The following PABPC4L variants were observed in gnomAD, a reference collection of about 807,000 sequenced individuals.
The protein encoded by PABPC4L is poly(A) binding protein cytoplasmic 4 like.
For missense variants in PABPC4L, 452 were observed against 451.4 expected (o/e 1.00, Z -0.01); for synonymous variants, 169 against 164.1 (o/e 1.03, Z -0.23).
At chr4:133,957,978 G>A in the PABPC4L span, among the ~76,000 whole-genome samples, 1 of 152,184 alleles carries the variant, frequency 6.6e-6, no homozygotes, top group Admixed American at 6.5e-5. Flanking sequence ...AGTGATGAGA[G>A]GGGTTGCCAT....
the PABPC4L span, among the ~76,000 whole-genome samples, chr4:133,982,905 A>T: frequency 6.6e-6 from 1 of 152,048 alleles, no homozygotes; most frequent in Non-Finnish European, 1.5e-5. Context: ...TAAAATATGT[A>T]TATACATTTA....
At chr4:134,051,165 A>T in the PABPC4L span, among the ~76,000 whole-genome samples, 1 of 152,168 alleles carries the variant, frequency 6.6e-6, no homozygotes, top group Non-Finnish European at 1.5e-5. Context: ...ATAACAGAGT[A>T]TCTTTCATGT....
the PABPC4L span, among the ~76,000 whole-genome samples, chr4:134,016,781 CT>C: frequency 5.9e-5 from 9 of 152,104 alleles, no homozygotes; most frequent in Non-Finnish European, 1.2e-4. Flanking sequence ...GAAAACTATC[CT>C]CATGGAGATC....
chr4:134,035,337 T>C, the PABPC4L span, among the ~76,000 whole-genome samples: 2 of 152,016 alleles, frequency 1.3e-5, no homozygotes, highest in African/African-American at 4.8e-5. Context: ...AAACCTGTAA[T>C]GTCTCTGAGA....
chr4:134,075,751 A>T, the PABPC4L span, among the ~76,000 whole-genome samples: 1 of 152,040 alleles, frequency 6.6e-6, no homozygotes. Flanking sequence ...ATTAAACATC[A>T]ATTACTTGCT....
chr4:134,035,559 A>G, the PABPC4L span, among the ~76,000 whole-genome samples: 6 of 152,064 alleles, frequency 3.9e-5, no homozygotes, highest in Non-Finnish European at 8.8e-5. Context: ...TTTATATGAT[A>G]TAGCAGAGAG....
At chr4:134,190,134 C>A in the PABPC4L span, among the ~76,000 whole-genome samples, 2 of 152,126 alleles carry the variant, frequency 1.3e-5, no homozygotes, top group Non-Finnish European at 2.9e-5. Context: ...TTTATATTTT[C>A]CTACTTGAGT....
the PABPC4L span, among the ~76,000 whole-genome samples, chr4:134,079,284 T>TA: frequency 5.3e-5 from 8 of 150,352 alleles, no homozygotes; most frequent in South Asian, 2.1e-4. Context: ...TTGTAACATT[T>TA]TAAAAAAAAT....
the PABPC4L span, among the ~76,000 whole-genome samples, chr4:134,175,181 G>A: frequency 3.4e-4 from 51 of 152,172 alleles, no homozygotes; most frequent in African/African-American, 1.1e-3. Context: ...ATAAGTACCC[G>A]CGAAAAGTAG....
chr4:134,096,218 G>A, the PABPC4L span, among the ~76,000 whole-genome samples: 942 of 151,904 alleles, frequency 6.2e-3, 6 homozygotes, highest in African/African-American at 0.021. Flanking sequence ...AAGAAATGTC[G>A]GTTTTTTTCA....
At chr4:134,030,465 A>T in the PABPC4L span, among the ~76,000 whole-genome samples, 1 of 152,020 alleles carries the variant, frequency 6.6e-6, no homozygotes, top group Non-Finnish European at 1.5e-5. Context: ...ACATAGATAC[A>T]CTGTCTTACA....
chr4:134,085,259 T>G, the PABPC4L span, among the ~76,000 whole-genome samples: 1 of 152,100 alleles, frequency 6.6e-6, no homozygotes, highest in Non-Finnish European at 1.5e-5. Context: ...TTTATAAATT[T>G]TATAAACTTT....
the PABPC4L span, among the ~76,000 whole-genome samples, chr4:134,020,159 T>C: frequency 6.6e-6 from 1 of 151,924 alleles, no homozygotes; most frequent in African/African-American, 2.4e-5. Flanking sequence ...GAATTCAGGG[T>C]GAGTCCGCAG....
At chr4:134,006,812 C>T in the PABPC4L span, among the ~76,000 whole-genome samples, 2 of 151,610 alleles carry the variant, frequency 1.3e-5, no homozygotes, top group East Asian at 1.9e-4. Flanking sequence ...GTTCAAAACT[C>T]GTATGGAGAA....
chr4:134,011,520 T>C, the PABPC4L span, among the ~76,000 whole-genome samples: 1 of 152,266 alleles, frequency 6.6e-6, no homozygotes, highest in East Asian at 1.9e-4. Context: ...AAGCTCCATA[T>C]TTATTTACTA....
the PABPC4L span, among the ~76,000 whole-genome samples, chr4:133,982,667 C>T: frequency 6.6e-6 from 1 of 151,932 alleles, no homozygotes. Context: ...ATCTCCCATC[C>T]TCTCTTCTTT....
At chr4:133,977,218 C>T in the PABPC4L span, among the ~76,000 whole-genome samples, 12 of 151,822 alleles carry the variant, frequency 7.9e-5, no homozygotes, top group South Asian at 2.1e-4. Context: ...AAGATCAGAT[C>T]GTTGGAGATG....
chr4:134,172,621 A>G, the PABPC4L span, among the ~76,000 whole-genome samples: 1 of 152,128 alleles, frequency 6.6e-6, no homozygotes, highest in Non-Finnish European at 1.5e-5. Flanking sequence ...CATGATGAAG[A>G]TGCCAAAAAC....
At chr4:134,131,321 G>C in the PABPC4L span, among the ~76,000 whole-genome samples, 3 of 151,938 alleles carry the variant, frequency 2.0e-5, no homozygotes, top group African/African-American at 7.2e-5. Context: ...AAATCTCCTA[G>C]ATATAGTAAG....
Sources: gnomAD v4.1 joint callset for allele counts (sites outside exome capture counted in the v4.1 genomes callset) on GRCh38, gnomAD v4.1.1 for gene constraint, MANE v1.5 for transcripts, NCBI Gene and HGNC (gene_info 2026-07-23, HGNC 2026-07-21) for gene names.